Variants in GRM5 observed in about 807,000 individuals in gnomAD.
GRM5 encodes the protein glutamate metabotropic receptor 5, also known as metabotropic glutamate receptor 5.
A neutral mutation model predicts 83.1 loss-of-function variants in GRM5; 19 were observed. The observed-to-expected ratio is 0.23, with a 90% confidence interval of 0.16 to 0.34. The LOEUF is 0.34. GRM5 is among the 10% of genes least tolerant of loss of function. The pLI is 1.00. For synonymous variants in GRM5, 675 were observed against 633.6 expected, an observed-to-expected ratio of 1.07 and a Z score of -0.98; for missense variants, 1,160 against 1,588.3, an observed-to-expected ratio of 0.73 and a Z score of 4.58.
chr11:88,965,512 T>G (rs604846), intron 2 of GRM5, among the ~76,000 whole-genome samples: 67,381 of 151,920 alleles, frequency 0.44, 16,288 homozygotes, highest in South Asian at 0.65. Flanking sequence ...TTCAGTCCAT[T>G]GTACTACATT....
chr11:88,575,025 A>G (rs970864380), intron 7 of GRM5, among the ~76,000 whole-genome samples: 6 of 148,418 alleles, frequency 4.0e-5, no homozygotes, highest in African/African-American at 1.2e-4. Context: ...AAAAAAAAAT[A>G]GAAAAGTTCC....
intron 3 of GRM5, among the ~76,000 whole-genome samples, chr11:88,801,432 C>T (rs1943392214): frequency 6.6e-6 from 1 of 152,130 alleles, no homozygotes; most frequent in Admixed American, 6.6e-5. Context: ...GTTCATGCTT[C>T]TGGGTTTCTT....
chr11:88,736,729 C>T (rs894684721), intron 3 of GRM5, among the ~76,000 whole-genome samples: 2 of 151,974 alleles, frequency 1.3e-5, no homozygotes, highest in African/African-American at 4.8e-5. Flanking sequence ...GATTCTCTGC[C>T]ATGTAATCCC....
chr11:88,638,530 C>T (rs1217836115), intron 4 of GRM5, among the ~76,000 whole-genome samples: 4 of 151,982 alleles, frequency 2.6e-5, no homozygotes, highest in Non-Finnish European at 5.9e-5. Flanking sequence ...TACTTCTTTA[C>T]TTTTCTGGTA....
At chr11:88,725,793 G>A (rs1941665206) in intron 3 of GRM5, among the ~76,000 whole-genome samples, 2 of 150,926 alleles carry the variant, frequency 1.3e-5, no homozygotes, top group African/African-American at 2.4e-5. Context: ...GCAGCAGAGG[G>A]GCCTGACTGT....
chr11:88,715,321 T>TG (rs1406506452), intron 3 of GRM5, among the ~76,000 whole-genome samples: 1 of 151,982 alleles, frequency 6.6e-6, no homozygotes, highest in Non-Finnish European at 1.5e-5. Context: ...GGCTAAGGCA[T>TG]GGTGCATGTG....
chr11:88,748,640 G>A (rs1484093868), intron 3 of GRM5, among the ~76,000 whole-genome samples: 3 of 152,144 alleles, frequency 2.0e-5, no homozygotes, highest in Admixed American at 2.0e-4. Flanking sequence ...CCTCCTGACT[G>A]AATGAGACCT....
intron 2 of GRM5, among the ~76,000 whole-genome samples, chr11:88,889,370 T>G (rs1244761696): frequency 1.3e-5 from 2 of 151,438 alleles, no homozygotes; most frequent in Non-Finnish European, 2.9e-5. Flanking sequence ...AAAAATAGAG[T>G]TCTTTGGGTC....
intron 3 of GRM5, among the ~76,000 whole-genome samples, chr11:88,816,400 A>G (rs982164588): frequency 6.7e-6 from 1 of 149,140 alleles, no homozygotes; most frequent in African/African-American, 2.5e-5. Flanking sequence ...TTAGCCAGAC[A>G]TGGTGGCACG....
At chr11:88,811,492 A>G (rs1037828417) in intron 3 of GRM5, among the ~76,000 whole-genome samples, 1 of 152,114 alleles carries the variant, frequency 6.6e-6, no homozygotes, top group Non-Finnish European at 1.5e-5. Flanking sequence ...TTAGATACAG[A>G]AAGAAGAAAA....
At chr11:88,738,028 A>AAAAT (rs1565208229) in intron 3 of GRM5, among the ~76,000 whole-genome samples, 1 of 149,570 alleles carries the variant, frequency 6.7e-6, no homozygotes, top group Non-Finnish European at 1.5e-5. Flanking sequence ...TCATCTAGTG[A>AAAAT]AAATAGATTT....
chr11:88,787,131 A>ATGTGTGTGTGTGTG (rs57116541), intron 3 of GRM5, among the ~76,000 whole-genome samples: 2 of 143,342 alleles, frequency 1.4e-5, no homozygotes, highest in African/African-American at 5.2e-5. Flanking sequence ...ATATGATATG[A>ATGTGTGTGTGTGTG]TGTGTGTGTG....
chr11:88,894,314 C>G (rs1945195540), intron 2 of GRM5, among the ~76,000 whole-genome samples: 1 of 152,004 alleles, frequency 6.6e-6, no homozygotes, highest in Admixed American at 6.6e-5. Flanking sequence ...CAGCCAGTCC[C>G]TTCTGCTCAG....
chr11:88,863,449 A>G (rs1438136338), intron 2 of GRM5, among the ~76,000 whole-genome samples: 3 of 152,158 alleles, frequency 2.0e-5, no homozygotes, highest in African/African-American at 7.2e-5. Context: ...GAATGAGATC[A>G]TGTCCTTTGC....
intron 8 of GRM5, among the ~76,000 whole-genome samples, chr11:88,543,881 A>G (rs1420562662): frequency 6.6e-6 from 1 of 152,114 alleles, no homozygotes; most frequent in Non-Finnish European, 1.5e-5. Flanking sequence ...AATGTCACCA[A>G]AAGTTCACGT....
At chr11:88,601,313 G>A (rs1474631681) in intron 5 of GRM5, among the ~76,000 whole-genome samples, 1 of 152,030 alleles carries the variant, frequency 6.6e-6, no homozygotes, top group Non-Finnish European at 1.5e-5. Context: ...TTCTAGCCTC[G>A]TATTTTCTAT....
At chr11:88,786,031 C>T (rs1258013874) in intron 3 of GRM5, among the ~76,000 whole-genome samples, 2 of 152,130 alleles carry the variant, frequency 1.3e-5, no homozygotes, top group Admixed American at 1.3e-4. Context: ...CATACATTTT[C>T]TGTTCTCTGC....
chr11:88,696,888 G>A (rs766106982), intron 3 of GRM5, among the ~76,000 whole-genome samples: 36 of 152,118 alleles, frequency 2.4e-4, no homozygotes, highest in African/African-American at 5.3e-4. Flanking sequence ...ACTAAATTTC[G>A]TGTCAAATGA....
In GRM5 at chr11:89,047,282, C is replaced by T; in HGVS notation, c.591G>A (p.Gln197=). ...YFMRVVPSDA[Q]QARAMVDIVK... is the part of the protein sequence containing the mutation. ...CTATGTCCACCATGGCCCTTGCCTG[C>T]TGAGCATCTGAAGGCACAACCCTCA... The change falls in exon 2 of 10, where the codon CAG becomes CAA. Residue 197 remains glutamine, a synonymous_variant. Transcript: ENST00000305447. The surrounding 1 kb of genome is among the most constrained non-coding windows in gnomAD (Gnocchi z 5.1). 1.2e-6 allele frequency: 2 copies of T among 1,614,104 alleles called. No individual in the cohort carries two copies. The highest frequency in any genetic ancestry group is 2.2e-5 in the East Asian group (1 of 44,876).
Sources: gnomAD v4.1 joint callset for allele counts (sites outside exome capture counted in the v4.1 genomes callset) on GRCh38, gnomAD v4.1.1 for gene constraint, Gnocchi (gnomAD v3.1) non-coding constraint, MANE v1.5 for transcripts, NCBI Gene and HGNC (gene_info 2026-07-23, HGNC 2026-07-21) for gene names.